The following DYNC2H1 variants were observed in gnomAD, a reference collection of about 807,000 sequenced individuals.
The protein encoded by DYNC2H1 is cytoplasmic dynein 2 heavy chain 1.
DYNC2H1 carries 410 observed loss-of-function variants against 570.0 expected under a neutral mutation model. The ratio of observed to expected loss-of-function variants is 0.72; its 90% CI spans 0.66 to 0.78. The LOEUF (loss-of-function observed/expected upper bound fraction) is 0.78. Ranked by LOEUF, DYNC2H1 falls within the 30% of genes least tolerant of loss-of-function variation. The pLI, the probability that DYNC2H1 is intolerant of heterozygous loss-of-function variation, is 0.00. For missense variants in DYNC2H1, 4,865 were observed against 5,046.4 expected, an observed-to-expected ratio of 0.96 and a Z score of 1.09; for synonymous variants, 1,688 against 1,677.6, an observed-to-expected ratio of 1.01 and a Z score of -0.15.
rs1938158318 is a variant in DYNC2H1 at position 103,321,031 on chromosome 11, G to GC, written c.11730dup (p.Lys3911GlnfsTer13). On this transcript the variant is annotated frameshift_variant, in exon 81 of 89. Transcript: ENST00000375735. LOFTEE classifies it high-confidence loss of function. Reference sequence around the variant, plus strand: ...TGAGTGTTTTTTTAAAATTATAGGTGCCAAAGATGTACAATGGGAATTTGT... The same window carrying GC: ...TGAGTGTTTTTTTAAAATTATAGGTGCCCAAAGATGTACAATGGGAATTTGT... The GC allele has an allele frequency of 6.2e-7, 1 of 1,603,084 alleles. No homozygotes were observed. The highest frequency in any genetic ancestry group is 1.3e-5 in the African/African-American group (1 of 74,600).
At chr11:103,384,733 T>G (rs1408646758) in intron 83 of DYNC2H1, among the ~76,000 whole-genome samples, 1 of 152,178 alleles carries the variant, frequency 6.6e-6, no homozygotes, top group African/African-American at 2.4e-5. Flanking sequence ...ATTTTATATT[T>G]TAGTCTGTCT....
Position 103,280,330 on chromosome 11 carries a change from A to G in DYNC2H1, c.10696-18A>G, listed in dbSNP as rs1565458490. ...ACAAATTTTTAAAAGGCAAGATAAT[A>G]TCTGTTATTCTTTGCAGGCTGATCA... On this transcript the variant is annotated intron_variant, in intron 70 of 88. Coordinates refer to ENST00000375735, the MANE Select transcript of DYNC2H1 (RefSeq NM_001377.3). The surrounding 1 kb of genome is among the most constrained non-coding windows in gnomAD (Gnocchi z 4.7). 6.4e-7 allele frequency: 1 copy of G among 1,551,602 alleles called. No individual in the cohort carries two copies. Among genetic ancestry groups the G allele is most frequent in the Non-Finnish European group, 8.7e-7 (1 of 1,146,610 alleles).
chr11:103,134,270 T>TA, intron 14 of DYNC2H1, 51 bp from the exon 15 acceptor site: 1 of 1,550,034 alleles, frequency 6.5e-7, no homozygotes, highest in Admixed American at 1.7e-5. Context: ...ACTGAAAAGT[T>TA]ACTATTTTTC....
chr11:103,435,294 T>C (rs754224167), intron 84 of DYNC2H1, among the ~76,000 whole-genome samples: 1 of 152,050 alleles, frequency 6.6e-6, no homozygotes, highest in Non-Finnish European at 1.5e-5. Context: ...AAAAATAATA[T>C]GTTGAGAAGT....
chr11:103,285,438 T>G (rs1435086929), intron 73 of DYNC2H1, among the ~76,000 whole-genome samples: 14 of 138,670 alleles, frequency 1.0e-4, no homozygotes, highest in Admixed American at 2.3e-4. Flanking sequence ...TTTTTTTTTT[T>G]TTGAGACAGA....
In DYNC2H1 at chr11:103,186,343, G is replaced by C; in HGVS notation, c.6735G>C (p.Lys2245Asn). 7.4e-6 allele frequency: 12 copies of C among 1,612,758 alleles called. No individual in the cohort carries two copies. Among genetic ancestry groups the C allele is most frequent in the Non-Finnish European group, 9.3e-6 (11 of 1,179,210 alleles). ...GATTAGCAACATATGTGCTTAAGAA[G>C]CCAGAAGACTTGACTGCTGATGATT... ...RGRLATYVLK[K>N]PEDLTADDFS... The change falls in exon 42 of 89, where the codon AAG (lysine) becomes AAC (asparagine). Residue 2245 changes from lysine to asparagine, a missense_variant. Transcript: ENST00000375735. This position sits in a 1 kb window ranked among gnomAD's most constrained non-coding sequence, Gnocchi z 4.5.
At chr11:103,214,381 T>C (rs896221626) in intron 54 of DYNC2H1, among the ~76,000 whole-genome samples, 13 of 152,070 alleles carry the variant, frequency 8.5e-5, no homozygotes, top group African/African-American at 3.1e-4. Context: ...TTCACAGATA[T>C]TACATTGAAT....
intron 65 of DYNC2H1, among the ~76,000 whole-genome samples, chr11:103,247,186 G>A (rs1003036269): frequency 4.6e-5 from 7 of 151,962 alleles, no homozygotes; most frequent in Non-Finnish European, 4.4e-5. Flanking sequence ...GACATCAAAA[G>A]TATCTTCTAT....
In DYNC2H1 at chr11:103,186,249, A is replaced by G. The variant is rs1397765931; in HGVS notation, c.6641A>G (p.His2214Arg). ...SRLEFTKEVF[H>R]WARESPPDFH... ...CAATTTTTTCCTCTTAAGGTTTTTC[A>G]TTGGGCACGAGAATCTCCTCCAGAC... The change falls in exon 42 of 89, where the codon CAT becomes CGT. Residue 2214 changes from histidine (H) to arginine (R), a missense_variant. By Grantham distance (29) the His-to-Arg change is conservative. Transcript: ENST00000375735. This position sits in a 1 kb window ranked among gnomAD's most constrained non-coding sequence, Gnocchi z 4.5. The G allele has an allele frequency of 3.1e-6, 5 of 1,609,374 alleles. No individual in the cohort carries two copies. Among genetic ancestry groups the G allele is most frequent in the Middle Eastern group, 1.7e-4 (1 of 6,058 alleles).
At chr11:103,471,549 T>C (rs1178743227) in intron 88 of DYNC2H1, among the ~76,000 whole-genome samples, 1 of 152,226 alleles carries the variant, frequency 6.6e-6, no homozygotes. Flanking sequence ...TGTTTGTGTG[T>C]GTGTAAAGTA....
At chr11:103,390,719 C>T (rs1381018580) in intron 83 of DYNC2H1, among the ~76,000 whole-genome samples, 2 of 152,108 alleles carry the variant, frequency 1.3e-5, no homozygotes, top group Non-Finnish European at 2.9e-5. Context: ...TCAGCACTTG[C>T]TTGTCTATAA....
chr11:103,263,169 T>C (rs1865379669), intron 70 of DYNC2H1, among the ~76,000 whole-genome samples: 2 of 151,946 alleles, frequency 1.3e-5, no homozygotes, highest in South Asian at 4.1e-4. Context: ...ATGCTAAATA[T>C]ATATGCGCCC....
At chr11:103,148,736 C>T in intron 20 of DYNC2H1, 119 bp downstream of exon 20, 1 of 1,271,948 alleles carries the variant, frequency 7.9e-7, no homozygotes, top group East Asian at 2.7e-5. Context: ...AGGAGGTCCA[C>T]AATAGTCTGG....
chr11:103,340,435 T>C (rs2135483543), intron 82 of DYNC2H1, among the ~76,000 whole-genome samples: 1 of 152,308 alleles, frequency 6.6e-6, no homozygotes, highest in Admixed American at 6.5e-5. Context: ...GTCATCTGCC[T>C]ATGAAGCCTT....
chr11:103,387,789 G>A (rs192588629), intron 83 of DYNC2H1, among the ~76,000 whole-genome samples: 306 of 152,180 alleles, frequency 2.0e-3, no homozygotes, highest in African/African-American at 6.4e-3. Flanking sequence ...TTTTTGTCAC[G>A]TTTGTCAAAG....
chr11:103,349,893 G>C (rs1939958463), intron 82 of DYNC2H1, among the ~76,000 whole-genome samples: 1 of 152,022 alleles, frequency 6.6e-6, no homozygotes, highest in Admixed American at 6.6e-5. Flanking sequence ...GTGTGTGACT[G>C]GCATAAATAT....
intron 56 of DYNC2H1, among the ~76,000 whole-genome samples, chr11:103,220,320 A>G (rs1005659435): frequency 6.6e-6 from 1 of 152,188 alleles, no homozygotes; most frequent in South Asian, 2.1e-4. Context: ...CTTTTTCTCC[A>G]GTTGATTAAA....
At chr11:103,350,759 A>C (rs1940011707) in intron 82 of DYNC2H1, among the ~76,000 whole-genome samples, 1 of 151,932 alleles carries the variant, frequency 6.6e-6, no homozygotes, top group Non-Finnish European at 1.5e-5. Flanking sequence ...TCCTTTGTAC[A>C]TGTGCACAGA....
At chr11:103,207,425 G>A (rs1862984339) in intron 52 of DYNC2H1, among the ~76,000 whole-genome samples, 2 of 151,996 alleles carry the variant, frequency 1.3e-5, no homozygotes, top group Non-Finnish European at 1.5e-5. Flanking sequence ...CTATGAGAAT[G>A]GAGGAATCAT....
Sources: allele counts gnomAD v4.1 joint callset (sites outside exome capture counted in the v4.1 genomes callset), GRCh38; gene constraint gnomAD v4.1.1; non-coding constraint Gnocchi (gnomAD v3.1); transcripts MANE v1.5; gene names NCBI Gene and HGNC (gene_info 2026-07-23, HGNC 2026-07-21).